Variants in RGS10 observed in about 807,000 individuals in gnomAD.
The protein encoded by RGS10 is regulator of G protein signaling 10.
In RGS10, 11 loss-of-function variants were observed where a neutral mutation model predicts 23.5. That is an observed-to-expected ratio of 0.47 (90% CI 0.29 to 0.77). The LOEUF (loss-of-function observed/expected upper bound fraction) is 0.77, where lower values mean the gene tolerates loss of function less well. Among genes scored for constraint, RGS10 ranks in the 30% least tolerant of loss-of-function variants. The pLI, the probability that RGS10 is intolerant of heterozygous loss-of-function variation, is 0.08. For missense variants in RGS10, 180 were observed against 226.3 expected, an observed-to-expected ratio of 0.80 and a Z score of 1.31; for synonymous variants, 77 against 83.2, an observed-to-expected ratio of 0.92 and a Z score of 0.41.
chr10:119,520,501 C>T (rs1463433191), intron 3 of RGS10, among the ~76,000 whole-genome samples: 1 of 152,160 alleles, frequency 6.6e-6, no homozygotes, highest in Non-Finnish European at 1.5e-5. Context: ...TCCCCCGCCA[C>T]CTTCAACAGA....
intron 1 of RGS10, among the ~76,000 whole-genome samples, chr10:119,531,757 AG>A (rs745896578): frequency 2.6e-5 from 4 of 152,188 alleles, no homozygotes; most frequent in Non-Finnish European, 4.4e-5. Flanking sequence ...ATGGGAGGTC[AG>A]CTGTCCTCAC....
At chr10:119,521,201 G>T (rs533386260) in intron 3 of RGS10, among the ~76,000 whole-genome samples, 11 of 152,004 alleles carry the variant, frequency 7.2e-5, no homozygotes, top group African/African-American at 2.2e-4. Context: ...AACCCAGGAG[G>T]TCCAGGCTGC....
chr10:119,539,115 A>G (rs1366125150), intron 1 of RGS10, among the ~76,000 whole-genome samples: 1 of 152,248 alleles, frequency 6.6e-6, no homozygotes. Context: ...CAGAGGCTCA[A>G]CTGGCTCATA....
At chr10:119,531,857 A>T (rs1844332182) in intron 1 of RGS10, among the ~76,000 whole-genome samples, 1 of 152,148 alleles carries the variant, frequency 6.6e-6, no homozygotes, top group Admixed American at 6.5e-5. Context: ...CTGGGCTAAG[A>T]TCTCCCTTAT....
At chr10:119,511,306 C>A (rs1043239561) in intron 4 of RGS10, among the ~76,000 whole-genome samples, 6 of 152,160 alleles carry the variant, frequency 3.9e-5, no homozygotes, top group African/African-American at 1.2e-4. Flanking sequence ...AAGCTTTAAG[C>A]CCCTCAAGCT....
At chr10:119,507,507 A>G (rs1009011792) in intron 4 of RGS10, among the ~76,000 whole-genome samples, 1 of 151,654 alleles carries the variant, frequency 6.6e-6, no homozygotes, top group Non-Finnish European at 1.5e-5. Flanking sequence ...CTGCATTGCT[A>G]AAAAGGGACC....
intron 4 of RGS10, among the ~76,000 whole-genome samples, chr10:119,500,723 G>C (rs745723064): frequency 6.7e-6 from 1 of 150,024 alleles, no homozygotes; most frequent in Non-Finnish European, 1.5e-5. Context: ...TCTGGCATCC[G>C]AGATCTCAAA....
At chr10:119,521,343 G>T (rs1020466809) in intron 3 of RGS10, among the ~76,000 whole-genome samples, 3 of 152,110 alleles carry the variant, frequency 2.0e-5, no homozygotes, top group Non-Finnish European at 4.4e-5. Context: ...GGCCAGGGCA[G>T]GTGGATCACC....
chr10:119,508,755 T>G (rs1263635323), intron 4 of RGS10, among the ~76,000 whole-genome samples: 1 of 152,208 alleles, frequency 6.6e-6, no homozygotes, highest in African/African-American at 2.4e-5. Context: ...ACATGAATTT[T>G]CTTTTCTTTA....
intron 4 of RGS10, among the ~76,000 whole-genome samples, chr10:119,509,471 G>T (rs1844052864): frequency 6.6e-6 from 1 of 151,134 alleles, no homozygotes; most frequent in Non-Finnish European, 1.5e-5. Context: ...CTCGCCTGTA[G>T]TATCAGCTAC....
intron 4 of RGS10, among the ~76,000 whole-genome samples, chr10:119,504,895 T>C (rs1843993110): frequency 1.3e-5 from 2 of 152,170 alleles, no homozygotes; most frequent in African/African-American, 4.8e-5. Context: ...AACACCTTGA[T>C]GTCATATTTT....
At chr10:119,532,985 A>G (rs1263257663) in intron 1 of RGS10, among the ~76,000 whole-genome samples, 1 of 149,928 alleles carries the variant, frequency 6.7e-6, no homozygotes, top group Non-Finnish European at 1.5e-5. Flanking sequence ...AACTACAGTG[A>G]GCCGATATTG....
At chr10:119,529,498 A>T (rs1454235210) in intron 1 of RGS10, among the ~76,000 whole-genome samples, 16 of 152,110 alleles carry the variant, frequency 1.1e-4, no homozygotes, top group Non-Finnish European at 2.4e-4. Context: ...AGTTTCCCCA[A>T]TTCAAAACTA....
At chr10:119,521,561 A>C (rs1482270610) in intron 3 of RGS10, among the ~76,000 whole-genome samples, 1 of 149,490 alleles carries the variant, frequency 6.7e-6, no homozygotes, top group East Asian at 2.0e-4. Flanking sequence ...CAAGAGCGAA[A>C]CCCCATTAAA....
At position 119,527,195 on chromosome 10, in the gene RGS10, TAG is replaced by T; in HGVS notation, c.168+109_168+110del. ...ACAGTACTGAACTCTCAAGCTGGCATAGAGAGTGCTACGCTGACAGACAATGT... is the reference window on the plus strand; with the variant it reads ...ACAGTACTGAACTCTCAAGCTGGCATAGAGTGCTACGCTGACAGACAATGT... On this transcript the variant is annotated intron_variant, in intron 2 of 4. Transcript: ENST00000369103. The surrounding 1 kb of genome is among the most constrained non-coding windows in gnomAD (Gnocchi z 4.2). The T allele has an allele frequency of 1.4e-6, 1 of 718,814 alleles. No homozygotes were observed. Among genetic ancestry groups the T allele is most frequent in the Non-Finnish European group, 2.4e-6 (1 of 416,520 alleles). The allele number at this position is 718,814 out of a possible 1,614,324, so 44.5% of individuals were successfully genotyped here. A position where few individuals can be genotyped will look rare whatever the true frequency, so the allele number is the denominator to read the frequency against.
chr10:119,521,604 AGAAAGAAAGGAAGGAAG>A (rs1404958940), intron 3 of RGS10, among the ~76,000 whole-genome samples: 2 of 116,162 alleles, frequency 1.7e-5, no homozygotes, highest in Non-Finnish European at 3.7e-5. Context: ...AAGGAAGGAA[AGAAAGAAAGGAAGGAAG>A]GAAAGAAAGG....
At chr10:119,504,128 T>C (rs1589832245) in intron 4 of RGS10, among the ~76,000 whole-genome samples, 1 of 152,178 alleles carries the variant, frequency 6.6e-6, no homozygotes. Context: ...AAATGACTGA[T>C]ACTAAATTTT....
chr10:119,532,958 C>T (rs758059822), intron 1 of RGS10, among the ~76,000 whole-genome samples: 1 of 149,340 alleles, frequency 6.7e-6, no homozygotes, highest in Non-Finnish European at 1.5e-5. Flanking sequence ...AAGGATCACT[C>T]GAGCCCAGGA....
chr10:119,523,188 C>T (rs1401833170), intron 3 of RGS10, among the ~76,000 whole-genome samples: 1 of 152,134 alleles, frequency 6.6e-6, no homozygotes, highest in Non-Finnish European at 1.5e-5. Flanking sequence ...CAAGTCATAT[C>T]CCTGCATCTT....
Sources: allele counts gnomAD v4.1 joint callset (sites outside exome capture counted in the v4.1 genomes callset), GRCh38; gene constraint gnomAD v4.1.1; non-coding constraint Gnocchi (gnomAD v3.1); transcripts MANE v1.5; gene names NCBI Gene and HGNC (gene_info 2026-07-23, HGNC 2026-07-21).